The following CYP4X1 variants were observed in gnomAD, a reference collection of about 807,000 sequenced individuals.
The protein encoded by CYP4X1 is cytochrome P450 4X1.
A neutral mutation model predicts 57.9 loss-of-function variants in CYP4X1; 44 were observed. That is an observed-to-expected ratio of 0.76 (90% CI 0.60 to 0.98). The LOEUF is 0.98. CYP4X1 is among the 50% of genes least tolerant of loss of function. CYP4X1 has a pLI of 0.00. For synonymous variants in CYP4X1, 227 were observed against 228.6 expected, an observed-to-expected ratio of 0.99 and a Z score of 0.06; for missense variants, 532 against 623.9, an observed-to-expected ratio of 0.85 and a Z score of 1.57.
At chr1:46,961,673 C>T in the CYP4X1 span, 6 of 1,291,494 alleles carry the variant, frequency 4.6e-6, no homozygotes, top group Non-Finnish European at 6.1e-6. Context: ...CTGGGAACCC[C>T]CTAGTCTCTA....
chr1:47,032,565 A>C (rs1429052162), intron 3 of CYP4X1, among the ~76,000 whole-genome samples: 2 of 152,246 alleles, frequency 1.3e-5, no homozygotes, highest in Non-Finnish European at 2.9e-5. Flanking sequence ...TTATGTATTA[A>C]TAAACTTTAA....
chr1:47,037,362 C>T (rs1026553047), intron 6 of CYP4X1, among the ~76,000 whole-genome samples: 1 of 151,048 alleles, frequency 6.6e-6, no homozygotes, highest in African/African-American at 2.4e-5. Flanking sequence ...ACCTCCACCT[C>T]CCAGGTTCAG....
intron 9 of CYP4X1, among the ~76,000 whole-genome samples, chr1:47,047,078 A>G (rs1644310823): frequency 1.3e-5 from 2 of 152,188 alleles, no homozygotes; most frequent in Admixed American, 1.3e-4. Context: ...TTGGAATCCA[A>G]TGTTAACAGA....
At chr1:47,023,587 C>A, upstream of CYP4X1, 1 of 1,308,792 alleles carries the variant, frequency 7.6e-7, no homozygotes, top group Non-Finnish European at 9.7e-7. Flanking sequence ...TTGGGCCGAA[C>A]GAAGCGTGCG....
At chr1:46,982,646 T>A in the CYP4X1 span, among the ~76,000 whole-genome samples, 1 of 152,144 alleles carries the variant, frequency 6.6e-6, no homozygotes, top group East Asian at 1.9e-4. Context: ...GTATATTTGG[T>A]GTTGAAGTTA....
At chr1:46,991,395 CT>C in the CYP4X1 span, among the ~76,000 whole-genome samples, 1 of 152,144 alleles carries the variant, frequency 6.6e-6, no homozygotes, top group Non-Finnish European at 1.5e-5. Context: ...GAATATTTAG[CT>C]TGTTCTTACA....
chr1:47,004,688 C>T, the CYP4X1 span, among the ~76,000 whole-genome samples: 6 of 152,110 alleles, frequency 3.9e-5, no homozygotes, highest in African/African-American at 1.4e-4. Flanking sequence ...TGGCTGCAGC[C>T]ACTCTTTTGT....
At chr1:47,036,318 C>A in intron 6 of CYP4X1, 147 bp downstream of exon 6, 2 of 929,374 alleles carry the variant, frequency 2.2e-6, no homozygotes, top group Non-Finnish European at 2.9e-6. Flanking sequence ...AGAAATTTGA[C>A]TTGAGTCCTT....
the CYP4X1 span, among the ~76,000 whole-genome samples, chr1:47,013,279 T>G: frequency 6.6e-6 from 1 of 152,196 alleles, no homozygotes; most frequent in South Asian, 2.1e-4. Context: ...GGAGAGGTCT[T>G]AGGATGCATT....
At chr1:46,981,690 T>C in the CYP4X1 span, among the ~76,000 whole-genome samples, 2 of 152,216 alleles carry the variant, frequency 1.3e-5, no homozygotes, top group Non-Finnish European at 2.9e-5. Context: ...CATGTATGTT[T>C]ATTGCGGCAC....
At chr1:46,988,591 T>A in the CYP4X1 span, among the ~76,000 whole-genome samples, 3 of 151,968 alleles carry the variant, frequency 2.0e-5, no homozygotes, top group South Asian at 6.2e-4. Flanking sequence ...AAAAAGAAAA[T>A]TTCAGGCCAA....
At chr1:47,052,344 A>C (rs553930031), downstream of CYP4X1, among the ~76,000 whole-genome samples, 8 of 152,168 alleles carry the variant, frequency 5.3e-5, no homozygotes, top group Non-Finnish European at 1.0e-4. Flanking sequence ...GGGCATTATC[A>C]AGAGATAAAT....
the CYP4X1 span, among the ~76,000 whole-genome samples, chr1:46,968,305 G>A: frequency 1.2e-4 from 18 of 152,156 alleles, no homozygotes; most frequent in African/African-American, 4.3e-4. Flanking sequence ...CTTCTTGCCT[G>A]GACTCTCTGG....
At chr1:47,014,339 C>A in the CYP4X1 span, among the ~76,000 whole-genome samples, 1 of 152,150 alleles carries the variant, frequency 6.6e-6, no homozygotes, top group Non-Finnish European at 1.5e-5. Flanking sequence ...CACTAGGAAT[C>A]CCAACCTCAC....
In CYP4X1 at chr1:47,035,880, G is replaced by A. The variant is rs1644174617; in HGVS notation, c.567G>A (p.Leu189=). The A allele has an allele frequency of 5.0e-6, 8 of 1,613,672 alleles. No homozygotes were observed. Among genetic ancestry groups the A allele is most frequent in the Non-Finnish European group, 5.9e-6 (7 of 1,179,782 alleles). The change falls in exon 5 of 12, where the codon CTG becomes CTA. Residue 189 remains leucine, a synonymous_variant. Transcript: ENST00000371901. ...ATGAGCACATCAACTCGATGTCTCT[G>A]GATATAATCATGAAATGCGCTTTCA... ...EVYEHINSMS[L]DIIMKCAFSK... is the part of the protein sequence containing the mutation.
In CYP4X1 at chr1:47,039,438, T is replaced by C. The variant is rs1356541366; in HGVS notation, c.979T>C (p.Trp327Arg). 1 of 1,613,760 alleles carries C rather than the reference T, an allele frequency of 6.2e-7. No individual in the cohort carries two copies. The highest frequency in any genetic ancestry group is 8.5e-7 in the Non-Finnish European group (1 of 1,179,808). ...TGACACCTTGGCAGCAAGCATCTCC[T>C]GGATCCTTTACTGCCTGGCTCTGAA... is the stretch of plus-strand genomic sequence containing the variant. The part of the protein sequence containing the change: ...GHDTLAASIS[W>R]ILYCLALNPE... Residue 327 changes from tryptophan (W) to arginine (R), a missense_variant, in exon 8 of 12, where the codon TGG becomes CGG. Transcript: ENST00000371901.
the CYP4X1 span, among the ~76,000 whole-genome samples, chr1:46,984,635 AG>A: frequency 6.6e-6 from 1 of 152,084 alleles, no homozygotes; most frequent in Non-Finnish European, 1.5e-5. Flanking sequence ...AGCCAAGGGA[AG>A]CCATGGGGGG....
downstream of CYP4X1, among the ~76,000 whole-genome samples, chr1:47,055,375 A>G (rs1305056778): frequency 6.6e-6 from 1 of 152,128 alleles, no homozygotes; most frequent in African/African-American, 2.4e-5. Context: ...TTGGTTTAAA[A>G]TTCTCTTTTT....
At chr1:47,032,814 G>A (rs1276055991) in intron 3 of CYP4X1, among the ~76,000 whole-genome samples, 1 of 152,164 alleles carries the variant, frequency 6.6e-6, no homozygotes, top group East Asian at 1.9e-4. Flanking sequence ...GAGCTAGGGA[G>A]TAGGTTGGCT....
Sources: gnomAD v4.1 joint callset for allele counts (sites outside exome capture counted in the v4.1 genomes callset) on GRCh38, gnomAD v4.1.1 for gene constraint, MANE v1.5 for transcripts, NCBI Gene and HGNC (gene_info 2026-07-23, HGNC 2026-07-21) for gene names.